Variants in DNAH11 observed in about 807,000 individuals in gnomAD.
DNAH11 encodes axonemal beta dynein heavy chain 11.
Under a neutral mutation model 526.0 loss-of-function variants are expected in DNAH11, and 442 were observed. The ratio of observed to expected loss-of-function variants is 0.84; its 90% CI spans 0.78 to 0.91. DNAH11 has a LOEUF of 0.91. Among genes scored for constraint, DNAH11 ranks in the 40% least tolerant of loss-of-function variants. The pLI, the probability that DNAH11 is intolerant of heterozygous loss-of-function variation, is 0.00. For synonymous variants in DNAH11, 2,461 were observed against 1,935.9 expected (o/e 1.27, Z -7.12); for missense variants, 6,989 against 5,448.7 (o/e 1.28, Z -8.90).
Position 21,613,311 on chromosome 7 carries a change from TAAATA to T in DNAH11, c.3853-1799_3853-1795del, listed in dbSNP as rs562467414. Among the ~76,000 whole-genome samples the T allele has an allele frequency of 5.2e-3, 784 of 152,082 alleles. 4 individuals carry two copies. Among genetic ancestry groups the T allele is most frequent in the Non-Finnish European group, 9.1e-3 (622 of 68,008 alleles). ...GAAAATATTATAAAAATTAGATTAT[TAAATA>T]AAAAGGTAGGTTTTGTGGTTAAATA... On this transcript the variant is annotated intron_variant, in intron 20 of 81. Transcript: ENST00000409508.
In DNAH11 at chr7:21,763,357, G is replaced by GAAAAGA. The variant is rs1562531840; in HGVS notation, c.8941-2067_8941-2066insGAAAAA. ...ACTGTCTCAAAAAAAAAAAAAAAAA[G>GAAAAGA]AAAAAAAAAAAGACTTACAAATATC... is the stretch of plus-strand genomic sequence containing the variant. On this transcript the variant is annotated intron_variant, in intron 54 of 81. Transcript: ENST00000409508. Among the ~76,000 whole-genome samples, 24 of 43,748 alleles carry GAAAAGA rather than the reference G, an allele frequency of 5.5e-4. 1 individual carries two copies. Among genetic ancestry groups the GAAAAGA allele is most frequent in the Admixed American group, 1.0e-3 (5 of 4,840 alleles). The allele number at this position is 43,748 out of a possible 152,430, so 28.7% of individuals were successfully genotyped here. A position where few individuals can be genotyped will look rare whatever the true frequency, so the allele number is the denominator to read the frequency against.
chr7:21,550,759 C>T (rs892022422), intron 2 of DNAH11, among the ~76,000 whole-genome samples: 4 of 152,100 alleles, frequency 2.6e-5, no homozygotes, highest in Admixed American at 1.3e-4. Flanking sequence ...CTAGGTACAA[C>T]CTGTTTTAAT....
intron 25 of DNAH11, among the ~76,000 whole-genome samples, chr7:21,620,915 T>C (rs184180635): frequency 0.013 from 1,957 of 152,144 alleles, 80 homozygotes; most frequent in South Asian, 0.082. Context: ...TATGGCTGCA[T>C]AGTATTCCAT....
Position 21,588,211 on chromosome 7 carries a change from G to A in DNAH11, c.1848+10G>A. On this transcript the variant is annotated intron_variant, in intron 10 of 81. Transcript: ENST00000409508. Reference sequence around the variant, plus strand: ...TGAACACATGAAACAGGTAAGTGGTGGATAAGGTTGGACACATTTACAATA... The same window carrying A: ...TGAACACATGAAACAGGTAAGTGGTAGATAAGGTTGGACACATTTACAATA... The A allele has an allele frequency of 6.2e-7, 1 of 1,606,926 alleles. No homozygotes were observed. Among genetic ancestry groups the A allele is most frequent in the African/African-American group, 1.3e-5 (1 of 74,732 alleles).
At chr7:21,625,263 G>A (rs1355981120) in intron 25 of DNAH11, among the ~76,000 whole-genome samples, 2 of 151,940 alleles carry the variant, frequency 1.3e-5, no homozygotes, top group African/African-American at 4.8e-5. Flanking sequence ...TTGGTAGGTT[G>A]TATGTTTCTA....
At chr7:21,688,042 A>G (rs1387727325) in intron 34 of DNAH11, among the ~76,000 whole-genome samples, 1 of 152,172 alleles carries the variant, frequency 6.6e-6, no homozygotes, top group East Asian at 1.9e-4. Context: ...AGCCTAGGAG[A>G]CAGAGCAAGA....
At chr7:21,606,338 A>C (rs1396991656) in intron 18 of DNAH11, 88 bp from the exon 19 acceptor site, 2 of 1,136,868 alleles carry the variant, frequency 1.8e-6, no homozygotes, top group African/African-American at 3.2e-5. Flanking sequence ...AAAAAAAAAA[A>C]AGAAAGAAAT....
intron 2 of DNAH11, among the ~76,000 whole-genome samples, chr7:21,557,150 A>G (rs894774954): frequency 6.6e-6 from 1 of 151,986 alleles, no homozygotes; most frequent in Non-Finnish European, 1.5e-5. Flanking sequence ...GCCTGTTTGC[A>G]GAGTTCTTCA....
At chr7:21,869,464 G>A (rs1454416396) in intron 73 of DNAH11, among the ~76,000 whole-genome samples, 1 of 149,826 alleles carries the variant, frequency 6.7e-6, no homozygotes, top group Non-Finnish European at 1.5e-5. Context: ...ACACATTGAA[G>A]GGTGGGGGGA....
intron 8 of DNAH11, among the ~76,000 whole-genome samples, chr7:21,580,751 C>T (rs561999497): frequency 2.0e-5 from 3 of 152,210 alleles, no homozygotes; most frequent in South Asian, 2.1e-4. Context: ...ACCTAGTCAC[C>T]CCTGAAAGCA....
intron 72 of DNAH11, 136 bp downstream of exon 72, chr7:21,868,143 T>G: frequency 1.2e-6 from 1 of 828,026 alleles, no homozygotes; most frequent in Non-Finnish European, 1.7e-6. Context: ...ATTGGGTGTA[T>G]GGAAAATGTA....
intron 8 of DNAH11, among the ~76,000 whole-genome samples, chr7:21,574,064 G>T (rs1189266797): frequency 6.6e-6 from 1 of 152,120 alleles, no homozygotes; most frequent in East Asian, 1.9e-4. Flanking sequence ...ATGGTTTTGG[G>T]TTTCTCAATT....
Position 21,749,724 on chromosome 7 carries a change from C to A in DNAH11, c.8720C>A (p.Pro2907His), listed in dbSNP as rs762986683. ...LYIRTGAKNM[P>H]TVFLLTDAQV... The stretch of plus-strand genomic sequence containing the variant: ...ATCCGAACTGGAGCCAAGAACATGC[C>A]CACTGTGTTCCTGCTGACAGATGCC... The change falls in exon 53 of 82, where the codon CCC (proline) becomes CAC (histidine). Residue 2907 changes from proline (P) to histidine (H), a missense_variant. By Grantham distance (77) the Pro-to-His change is moderately conservative (BLOSUM62 -2). Transcript: ENST00000409508. 9.9e-6 allele frequency: 16 copies of A among 1,613,756 alleles called. No individual in the cohort carries two copies. The highest frequency in any genetic ancestry group is 1.3e-5 in the Non-Finnish European group (15 of 1,179,852).
intron 32 of DNAH11, among the ~76,000 whole-genome samples, chr7:21,684,504 C>T (rs544406298): frequency 6.6e-6 from 1 of 152,070 alleles, no homozygotes; most frequent in Admixed American, 6.5e-5. Flanking sequence ...GCTATGACAA[C>T]AATAAAAAAA....
At chr7:21,705,620 A>G in intron 39 of DNAH11, 83 bp downstream of exon 39, 1 of 1,343,572 alleles carries the variant, frequency 7.4e-7, no homozygotes, top group Non-Finnish European at 1.0e-6. Flanking sequence ...AATGCTACTC[A>G]AAAGAATTCC....
intron 44 of DNAH11, among the ~76,000 whole-genome samples, chr7:21,721,858 G>C (rs1784889220): frequency 6.6e-6 from 1 of 152,150 alleles, no homozygotes; most frequent in South Asian, 2.1e-4. Flanking sequence ...CTTCTAACCA[G>C]TCTCACACAC....
At chr7:21,729,864 T>G (rs888749874) in intron 45 of DNAH11, among the ~76,000 whole-genome samples, 1 of 152,212 alleles carries the variant, frequency 6.6e-6, no homozygotes, top group Non-Finnish European at 1.5e-5. Flanking sequence ...ACTTCCACTT[T>G]TTTAGGTATC....
At chr7:21,802,452 A>G (rs1418176799) in intron 62 of DNAH11, among the ~76,000 whole-genome samples, 1 of 152,326 alleles carries the variant, frequency 6.6e-6, no homozygotes, top group Admixed American at 6.5e-5. Flanking sequence ...ACATGATACA[A>G]TCATCTACTC....
chr7:21,749,796 C>T lies in DNAH11; in HGVS notation c.8792C>T (p.Ala2931Val), dbSNP rs1786328383. 5 of 1,613,706 alleles carry T rather than the reference C, an allele frequency of 3.1e-6. No homozygotes were observed. The highest frequency in any genetic ancestry group is 4.2e-6 in the Non-Finnish European group (5 of 1,179,812). The change falls in exon 53 of 82, where the codon GCA becomes GTA. Residue 2931 changes from alanine to valine, a missense_variant. Transcript: ENST00000409508. ...CTCGTGCTGATTAATGACTTGCTGGCATCAGGTGATTAAACCAACACATTT... is the reference window on the plus strand; with the variant it reads ...CTCGTGCTGATTAATGACTTGCTGGTATCAGGTGATTAAACCAACACATTT... ...SFLVLINDLL[A>V]SGEIPDLFSD...
Sources: gnomAD v4.1 joint callset for allele counts (sites outside exome capture counted in the v4.1 genomes callset) on GRCh38, gnomAD v4.1.1 for gene constraint, MANE v1.5 for transcripts, NCBI Gene and HGNC (gene_info 2026-07-23, HGNC 2026-07-21) for gene names.